The following ERICH1 variants were observed in gnomAD, a reference collection of about 807,000 sequenced individuals.
ERICH1 encodes glutamate rich 1, also known as glutamate-rich protein 1.
A neutral mutation model predicts 39.6 loss-of-function variants in ERICH1; 56 were observed. The ratio of observed to expected loss-of-function variants is 1.41; its 90% CI spans 1.14 to 1.77. The LOEUF is 1.77. ERICH1 is among the 40% of genes most tolerant of loss of function. ERICH1 has a pLI of 0.00. For missense variants in ERICH1, 826 were observed against 575.4 expected (o/e 1.44, Z -4.45); for synonymous variants, 313 against 223.6 (o/e 1.40, Z -3.57).
chr8:650,177 G>A lies in ERICH1; in HGVS notation c.976+18421C>T, dbSNP rs938902799. On this transcript the variant is annotated intron_variant, in intron 3 of 3. Coordinates refer to the ERICH1 transcript ENST00000522706. ...GCGTGTCCGGCACAGCGTGGAGCCC[G>A]CGTTCCTCTCTGCACTCAGGAGCTG... Among the ~76,000 whole-genome samples, 19 of 152,200 alleles carry A rather than the reference G, an allele frequency of 1.2e-4. 1 individual carries two copies. Among genetic ancestry groups the A allele is most frequent in the Admixed American group, 1.2e-3 (18 of 15,288 alleles).
At chr8:694,890 A>G (rs1390865481) in intron 2 of ERICH1, among the ~76,000 whole-genome samples, 1 of 152,164 alleles carries the variant, frequency 6.6e-6, no homozygotes, top group East Asian at 1.9e-4. Flanking sequence ...CCGGACGCAC[A>G]GAGAATGCAG....
chr8:726,492 G>A (rs755971647), intron 1 of ERICH1, among the ~76,000 whole-genome samples: 5 of 148,532 alleles, frequency 3.4e-5, no homozygotes, highest in African/African-American at 5.0e-5. Context: ...AGGCACACAT[G>A]CATGCACATA....
At position 632,754 on chromosome 8, in the gene ERICH1, T is replaced by C. The variant is rs1487401734; in HGVS notation, c.977-17470A>G. On this transcript the variant is annotated intron_variant, in intron 3 of 3. Coordinates refer to the ERICH1 transcript ENST00000522706. ...CAGGTGAAATGGACAAAAATTCAGA[T>C]CATCAGTGGGTAACATAACGCCCAA... Among the ~76,000 whole-genome samples the C allele has an allele frequency of 1.3e-5, 2 of 152,062 alleles. 1 individual carries two copies. Among genetic ancestry groups the C allele is most frequent in the African/African-American group, 4.8e-5 (2 of 41,394 alleles).
intron 3 of ERICH1, among the ~76,000 whole-genome samples, chr8:618,412 C>A (rs953636220): frequency 6.6e-6 from 1 of 152,144 alleles, no homozygotes; most frequent in East Asian, 1.9e-4. Context: ...ACCATCACTG[C>A]CCTCTGAGTG....
At position 685,077 on chromosome 8, in the gene ERICH1, G is replaced by A. The variant is rs185373639; in HGVS notation, c.304+7401C>T. Reference sequence around the variant, plus strand: ...TCCTAATCCTAGCAAGCCTGGGGGCGCTGCAGGAGACCAGGGCGTGTTTCA... The same window carrying A: ...TCCTAATCCTAGCAAGCCTGGGGGCACTGCAGGAGACCAGGGCGTGTTTCA... On this transcript the variant is annotated intron_variant, in intron 3 of 5. Transcript: ENST00000262109. Among the ~76,000 whole-genome samples, 72 of 152,312 alleles carry A rather than the reference G, an allele frequency of 4.7e-4. 1 individual carries two copies. The highest frequency in any genetic ancestry group is 3.3e-3 in the East Asian group (17 of 5,176).
At chr8:668,830 T>A in intron 4 of ERICH1, 38 bp from the exon 5 acceptor site, 1 of 1,538,444 alleles carries the variant, frequency 6.5e-7, no homozygotes, top group South Asian at 1.3e-5. Context: ...TACAGTTTTG[T>A]TTTTATTTCT....
chr8:618,388 T>C (rs939406259), intron 3 of ERICH1, among the ~76,000 whole-genome samples: 3 of 152,056 alleles, frequency 2.0e-5, no homozygotes, highest in Non-Finnish European at 4.4e-5. Flanking sequence ...CTCTGAGTGC[T>C]TGGTGCTTGG....
In ERICH1 at chr8:673,632, T is replaced by C. The variant is rs1475271100; in HGVS notation, c.720A>G (p.Glu240=). 1 of 1,610,048 alleles carries C rather than the reference T, an allele frequency of 6.2e-7. No individual in the cohort carries two copies. The highest frequency in any genetic ancestry group is 1.3e-5 in the African/African-American group (1 of 74,700). The part of the protein sequence containing the change: ...REEDGADASE[E]DLTRARQEEG... ...CTTCCTGCCTGGCCCGTGTCAGGTC[T>C]TCCTCGCTAGCGTCCGCACCATCTT... The change falls in exon 4 of 6, where the codon GAA becomes GAG. Residue 240 remains glutamate (E), a synonymous_variant. Coordinates refer to ENST00000262109, the MANE Select transcript of ERICH1 (RefSeq NM_207332.3).
At chr8:710,124 C>A (rs1814356215) in intron 2 of ERICH1, among the ~76,000 whole-genome samples, 3 of 152,214 alleles carry the variant, frequency 2.0e-5, no homozygotes, top group Admixed American at 2.0e-4. Context: ...CCTACGCTGA[C>A]ACACGTTGCC....
chr8:615,577 T>C (rs569150811), intron 3 of ERICH1: 1 of 332,274 alleles, frequency 3.0e-6, no homozygotes, highest in Non-Finnish European at 5.4e-6. Flanking sequence ...CAGACAGCTA[T>C]TTGGCAAATG....
intron 3 of ERICH1, among the ~76,000 whole-genome samples, chr8:688,515 C>G (rs910830211): frequency 6.6e-6 from 1 of 151,954 alleles, no homozygotes; most frequent in Non-Finnish European, 1.5e-5. Context: ...CCTCCTGGCG[C>G]TCTTCCCTTT....
chr8:693,311 C>T (rs904072861), intron 2 of ERICH1, among the ~76,000 whole-genome samples: 4 of 152,186 alleles, frequency 2.6e-5, no homozygotes, highest in African/African-American at 9.7e-5. Flanking sequence ...TTATTATACA[C>T]ATATAAGTTA....
At chr8:643,581 A>C (rs1389787582) in intron 3 of ERICH1, among the ~76,000 whole-genome samples, 1 of 143,958 alleles carries the variant, frequency 6.9e-6, no homozygotes, top group Non-Finnish European at 1.5e-5. Context: ...CTACCCCCTC[A>C]CCTTTGAAGA....
intron 2 of ERICH1, among the ~76,000 whole-genome samples, chr8:697,251 C>T (rs1810530903): frequency 6.6e-6 from 1 of 152,186 alleles, no homozygotes; most frequent in Admixed American, 6.5e-5. Flanking sequence ...CAAATGGCCC[C>T]AGGGGACAAG....
At chr8:663,905 G>A (rs1403428483), downstream of ERICH1, among the ~76,000 whole-genome samples, 4 of 151,754 alleles carry the variant, frequency 2.6e-5, no homozygotes, top group African/African-American at 4.8e-5. Context: ...GACTACAGGC[G>A]CCCGCCACCA....
At chr8:701,172 C>T (rs1812024326) in intron 2 of ERICH1, among the ~76,000 whole-genome samples, 1 of 152,276 alleles carries the variant, frequency 6.6e-6, no homozygotes, top group African/African-American at 2.4e-5. Context: ...GACGGGTCTG[C>T]CCCGCCAGAC....
intron 3 of ERICH1, among the ~76,000 whole-genome samples, chr8:628,116 A>G (rs1797705798): frequency 6.6e-6 from 1 of 152,212 alleles, no homozygotes; most frequent in South Asian, 2.1e-4. Context: ...AGCAGGTGCC[A>G]TGAGGAAGCA....
At chr8:724,825 G>A (rs1002328141) in intron 1 of ERICH1, among the ~76,000 whole-genome samples, 4 of 152,186 alleles carry the variant, frequency 2.6e-5, no homozygotes, top group Non-Finnish European at 5.9e-5. Context: ...TACGCTCACT[G>A]AGGAACGCTA....
intron 5 of ERICH1, chr8:667,987 C>T (rs1235007470): frequency 6.4e-6 from 1 of 155,866 alleles, no homozygotes; most frequent in Non-Finnish European, 1.4e-5. Flanking sequence ...GACGCCAGCC[C>T]TGGGCCAGGT....
Sources: gnomAD v4.1 joint callset for allele counts (sites outside exome capture counted in the v4.1 genomes callset) on GRCh38, gnomAD v4.1.1 for gene constraint, MANE v1.5 for transcripts, NCBI Gene and HGNC (gene_info 2026-07-23, HGNC 2026-07-21) for gene names.